EDNRB: variants seen among roughly 807,000 people sequenced by gnomAD.
EDNRB encodes Hirschsprung disease 2.
Under a neutral mutation model 46.4 loss-of-function variants are expected in EDNRB, and 18 were observed. That is an observed-to-expected ratio of 0.39 (90% CI 0.27 to 0.57). The LOEUF (loss-of-function observed/expected upper bound fraction) is 0.57. Ranked by LOEUF, EDNRB falls within the 20% of genes least tolerant of loss-of-function variation. The pLI is 0.61. For synonymous variants in EDNRB, 213 were observed against 204.9 expected, an observed-to-expected ratio of 1.04 and a Z score of -0.34; for missense variants, 434 against 537.5, an observed-to-expected ratio of 0.81 and a Z score of 1.90.
Position 77,896,486 on chromosome 13 carries a change from G to C in EDNRB, c.*1714C>G. ...CTTTCTGGCCACATTGTTGGGTTTT[G>C]GTTTACTGTACCATCACATTCAATA... On this transcript the variant is annotated 3_prime_UTR_variant, in exon 7 of 7. Transcript: ENST00000646607. The C allele has an allele frequency of 3.8e-6, 6 of 1,580,898 alleles. No homozygotes were observed. Among genetic ancestry groups the C allele is most frequent in the Non-Finnish European group, 5.2e-6 (6 of 1,161,616 alleles).
At chr13:77,920,240 G>A (rs1880037097), upstream of EDNRB, among the ~76,000 whole-genome samples, 1 of 151,938 alleles carries the variant, frequency 6.6e-6, no homozygotes, top group Admixed American at 6.6e-5. Context: ...AATTCAACAT[G>A]ATATTTATTT....
At chr13:77,915,976 T>C (rs1879788557) in intron 1 of EDNRB, among the ~76,000 whole-genome samples, 1 of 152,190 alleles carries the variant, frequency 6.6e-6, no homozygotes, top group Admixed American at 6.5e-5. Context: ...CTCTAGTTTA[T>C]TACAAATACT....
intron 3 of EDNRB, among the ~76,000 whole-genome samples, chr13:77,902,101 A>G (rs577963964): frequency 6.6e-6 from 1 of 152,068 alleles, no homozygotes; most frequent in Admixed American, 6.6e-5. Context: ...TTAATAAATG[A>G]CCAGGATGAA....
intron 1 of EDNRB, among the ~76,000 whole-genome samples, chr13:77,968,260 G>C (rs999993493): frequency 1.3e-5 from 2 of 151,740 alleles, no homozygotes. Flanking sequence ...TTTGCTCCTT[G>C]GTTGTAGAGG....
At position 77,897,010 on chromosome 13, in the gene EDNRB, T is replaced by C; in HGVS notation, c.*1190A>G. 1 of 990,856 alleles carries C rather than the reference T, an allele frequency of 1.0e-6. No homozygotes were observed. Among genetic ancestry groups the C allele is most frequent in the Non-Finnish European group, 1.2e-6 (1 of 833,798 alleles). 61.4% of individuals were successfully genotyped at this position (990,856 alleles called of 1,614,324 possible). A position where few individuals can be genotyped will look rare whatever the true frequency, so the allele number is the denominator to read the frequency against. ...AAAAATTAGTAATAAGCTTTACAGG[T>C]AGCTGTTAAATGTACTAATCTGTAT... On this transcript the variant is annotated 3_prime_UTR_variant, in exon 7 of 7. Transcript: ENST00000646607.
intron 4 of EDNRB, 141 bp downstream of exon 4, chr13:77,900,917 C>G: frequency 1.0e-6 from 1 of 991,698 alleles, no homozygotes; most frequent in Non-Finnish European, 1.4e-6. Context: ...TATTCTTTAT[C>G]TATTTAAAAC....
chr13:77,961,042 AG>A (rs1278725639), intron 1 of EDNRB, among the ~76,000 whole-genome samples: 2 of 152,312 alleles, frequency 1.3e-5, no homozygotes, highest in East Asian at 3.9e-4. Context: ...AGATACATAA[AG>A]CAAGTCCTTA....
chr13:77,897,568 G>A lies in EDNRB; in HGVS notation c.*632C>T, dbSNP rs533564682. On this transcript the variant is annotated 3_prime_UTR_variant, in exon 7 of 7. Transcript: ENST00000646607. The stretch of plus-strand genomic sequence containing the variant: ...TTGGTTACATATTGCAGAATGCTGA[G>A]GTTTGGGCTTCTAGTGAAAGTGTAA... 1 of 985,206 alleles carries A rather than the reference G, an allele frequency of 1.0e-6. No individual in the cohort carries two copies. Among genetic ancestry groups the A allele is most frequent in the Non-Finnish European group, 1.2e-6 (1 of 829,982 alleles). The allele number at this position is 985,206 out of a possible 1,614,324, so 61.0% of individuals were successfully genotyped here.
chr13:77,902,578 C>A (rs1480950757), intron 3 of EDNRB, among the ~76,000 whole-genome samples: 1 of 151,926 alleles, frequency 6.6e-6, no homozygotes, highest in Non-Finnish European at 1.5e-5. Flanking sequence ...CTGTAACTGT[C>A]CTTCCCGCTG....
intron 1 of EDNRB, among the ~76,000 whole-genome samples, chr13:77,966,759 T>C (rs1364239216): frequency 8.5e-5 from 13 of 152,262 alleles, no homozygotes; most frequent in African/African-American, 2.9e-4. Flanking sequence ...GAAGTAAAAA[T>C]TTTTTTATCT....
At chr13:77,929,934 C>A (rs542837193) in intron 1 of EDNRB, among the ~76,000 whole-genome samples, 6 of 152,266 alleles carry the variant, frequency 3.9e-5, no homozygotes, top group African/African-American at 1.4e-4. Context: ...TGTCAGAGAT[C>A]ATTTTTACTA....
chr13:77,919,536 C>A (rs760706605), upstream of EDNRB: 5 of 1,612,710 alleles, frequency 3.1e-6, no homozygotes, highest in South Asian at 5.5e-5. Context: ...TCTGACGAAA[C>A]GCTGCGAGAA....
At chr13:77,958,382 T>G (rs1257137290) in intron 1 of EDNRB, among the ~76,000 whole-genome samples, 1 of 146,018 alleles carries the variant, frequency 6.8e-6, no homozygotes, top group Non-Finnish European at 1.5e-5. Context: ...ATTTATTTAT[T>G]TATTTATTTT....
At position 77,903,108 on chromosome 13, in the gene EDNRB, T is replaced by C. The variant is rs147868826; in HGVS notation, c.801+48A>G. The C allele has an allele frequency of 1.8e-5, 28 of 1,598,920 alleles. No homozygotes were observed. The African/African-American group carries it at 3.8e-4, about 21-fold the overall frequency. ...GGGGAACAGGGGAAAAATAGCTAAA[T>C]ATTTATAAGGCAAGAGCAGAAAGGA... On this transcript the variant is annotated intron_variant, in intron 3 of 6. Coordinates refer to ENST00000646607, the MANE Select transcript of EDNRB (RefSeq NM_001122659.3).
chr13:77,923,332 A>T (rs1462669574), upstream of EDNRB, among the ~76,000 whole-genome samples: 1 of 152,224 alleles, frequency 6.6e-6, no homozygotes, highest in East Asian at 1.9e-4. Context: ...TAAAACAAAA[A>T]ATGAGTGTAA....
chr13:77,957,200 T>C (rs1881265390), intron 1 of EDNRB, among the ~76,000 whole-genome samples: 1 of 152,242 alleles, frequency 6.6e-6, no homozygotes, highest in African/African-American at 2.4e-5. Flanking sequence ...ATTGAGTCAC[T>C]GTCTGTTTTC....
At chr13:77,953,696 T>C (rs569275693) in intron 1 of EDNRB, among the ~76,000 whole-genome samples, 24 of 152,294 alleles carry the variant, frequency 1.6e-4, no homozygotes, top group African/African-American at 5.8e-4. Flanking sequence ...CTAGAGTGAC[T>C]GTGGTAGAGA....
intron 1 of EDNRB, among the ~76,000 whole-genome samples, chr13:77,967,673 T>G (rs867053398): frequency 6.6e-6 from 1 of 152,208 alleles, no homozygotes; most frequent in African/African-American, 2.4e-5. Context: ...TGGATAATGT[T>G]CTGTTTTTAA....
chr13:77,935,016 G>A (rs966666228), intron 1 of EDNRB, among the ~76,000 whole-genome samples: 2 of 146,022 alleles, frequency 1.4e-5, no homozygotes, highest in African/African-American at 5.0e-5. Flanking sequence ...TGAAGTCTGG[G>A]CCAGAAACAA....
Sources: allele counts gnomAD v4.1 joint callset (sites outside exome capture counted in the v4.1 genomes callset), GRCh38; gene constraint gnomAD v4.1.1; transcripts MANE v1.5; gene names NCBI Gene and HGNC (gene_info 2026-07-23, HGNC 2026-07-21).